UGT1A5: variants seen among roughly 807,000 people sequenced by gnomAD.
The protein encoded by UGT1A5 is UDP-glucuronosyltransferase 1A5.
UGT1A5 carries 29 observed loss-of-function variants against 40.3 expected under a neutral mutation model. The observed-to-expected ratio is 0.72, with a 90% CI of 0.54 to 0.98. UGT1A5 has a LOEUF of 0.98. Among genes scored for constraint, UGT1A5 ranks in the 50% least tolerant of loss-of-function variants. The pLI is 0.00. For missense variants in UGT1A5, 678 were observed against 677.9 expected (o/e 1.00, Z 0.00); for synonymous variants, 257 against 262.5 (o/e 0.98, Z 0.20).
chr2:233,728,929 G>A (rs533311965), intron 1 of UGT1A5, among the ~76,000 whole-genome samples: 12 of 142,966 alleles, frequency 8.4e-5, no homozygotes, highest in Admixed American at 6.7e-4. Context: ...AGTCATGATC[G>A]GTCTTTTCCA....
intron 1 of UGT1A5, among the ~76,000 whole-genome samples, chr2:233,757,815 T>G (rs4399719): frequency 0.55 from 83,125 of 151,008 alleles, 25,001 homozygotes; most frequent in African/African-American, 0.81. Context: ...AAGGAGCTGG[T>G]AGTGTGTCTG....
intron 1 of UGT1A5, chr2:233,743,777 T>C (rs1692497212): frequency 7.3e-7 from 1 of 1,367,292 alleles, no homozygotes; most frequent in Admixed American, 1.9e-5. Flanking sequence ...GGCCACCTGC[T>C]TGAATCTCCT....
In UGT1A5 at chr2:233,743,883, G is replaced by A. The variant is rs373345166; in HGVS notation, c.868-23151G>A. 1.0e-5 allele frequency: 14 copies of A among 1,366,944 alleles called. No individual in the cohort carries two copies. In the East Asian group the frequency reaches 1.4e-4, roughly 13 times the overall value. 84.7% of individuals were successfully genotyped at this position (1,366,944 alleles called of 1,614,324 possible). On this transcript the variant is annotated intron_variant, in intron 1 of 4. Transcript: ENST00000373414. ...TTGATGGCCTCGGATGAGGCCTGCC[G>A]GGGCACGTCCAGCACCTCGTAGTAG...
intron 1 of UGT1A5, among the ~76,000 whole-genome samples, chr2:233,736,870 C>T (rs1044494188): frequency 6.6e-6 from 1 of 152,190 alleles, no homozygotes; most frequent in African/African-American, 2.4e-5. Context: ...GCAAATATTG[C>T]AGAACAGCAA....
At chr2:233,762,433 T>C (rs1249713494) in intron 1 of UGT1A5, among the ~76,000 whole-genome samples, 1 of 152,232 alleles carries the variant, frequency 6.6e-6, no homozygotes, top group African/African-American at 2.4e-5. Context: ...AGAGTAACAG[T>C]GTATTCCCAC....
At chr2:233,741,968 A>G (rs1276374481) in intron 1 of UGT1A5, 1 of 151,884 alleles carries the variant, frequency 6.6e-6, no homozygotes, top group Non-Finnish European at 1.5e-5. Context: ...TGTTGTGTTT[A>G]TGGTGCCTCA....
rs1316951869 is a variant in UGT1A5 at position 233,743,957 on chromosome 2, A to G, written c.868-23077A>G. ...CGGCCCACCAGGCACTGGCACAGCG[A>G]GCGGCAAGGCTGCCAGCACCCAGGC... is the stretch of plus-strand genomic sequence containing the variant. On this transcript the variant is annotated intron_variant, in intron 1 of 4. Coordinates refer to ENST00000373414, the MANE Select transcript of UGT1A5 (RefSeq NM_019078.2). 4 of 1,338,466 alleles carry G rather than the reference A, an allele frequency of 3.0e-6. No individual in the cohort carries two copies. The Admixed American group carries it at 8.0e-5, about 27-fold the overall frequency. The allele number at this position is 1,338,466 out of a possible 1,614,324, so 82.9% of individuals were successfully genotyped here.
chr2:233,742,956 T>C, intron 1 of UGT1A5: 1 of 217,074 alleles, frequency 4.6e-6, no homozygotes, highest in Non-Finnish European at 9.3e-6. Context: ...CAAATAATCA[T>C]TGTCTGCCTC....
chr2:233,768,233 C>A lies in UGT1A5; in HGVS notation c.1101C>A (p.Thr367=), dbSNP rs1699591703. The change falls in exon 4 of 5, where the codon ACC becomes ACA. Residue 367 remains threonine, a synonymous_variant. Coordinates refer to ENST00000373414, the MANE Select transcript of UGT1A5 (RefSeq NM_019078.2). ...PQNDLLGHPM[T]RAFITHAGSH... ...TTTGCATCTCAGGTCACCCGATGAC[C>A]CGTGCCTTTATCACCCATGCTGGTT... 6.2e-7 allele frequency: 1 copy of A among 1,614,170 alleles called. No homozygotes were observed. The highest frequency in any genetic ancestry group is 8.5e-7 in the Non-Finnish European group (1 of 1,180,028).
intron 1 of UGT1A5, chr2:233,740,859 A>C (rs1179342634): frequency 6.6e-6 from 1 of 151,860 alleles, no homozygotes; most frequent in Non-Finnish European, 1.5e-5. Context: ...AATTCTAAAA[A>C]TTCTTTAAAT....
intron 1 of UGT1A5, chr2:233,719,072 G>T (rs148007151): frequency 6.2e-7 from 1 of 1,614,284 alleles, no homozygotes. Context: ...CTGTTCCATG[G>T]ACCCAGAAGG....
rs781623948 is a variant in UGT1A5, at chr2:233,772,355, G to A, written c.1401G>A (p.Met467Ile). ...CCGTGTTCTGGGTGGAGTTTGTGAT[G>A]AGGCACAAGGGCGCGCCACACCTGC... Reference protein sequence around the residue: ...DLAVFWVEFVMRHKGAPHLRP... With the variant: ...DLAVFWVEFVIRHKGAPHLRP... The change falls in exon 5 of 5, where the codon ATG (methionine) becomes ATA (isoleucine). Residue 467 changes from methionine to isoleucine, a missense_variant. Met to Ile is a conservative substitution (Grantham distance 10, BLOSUM62 1). Coordinates refer to ENST00000373414, the MANE Select transcript of UGT1A5 (RefSeq NM_019078.2). 1 of 1,614,130 alleles carries A rather than the reference G, an allele frequency of 6.2e-7. No homozygotes were observed. Among genetic ancestry groups the A allele is most frequent in the Non-Finnish European group, 8.5e-7 (1 of 1,180,056 alleles).
At chr2:233,765,043 G>A (rs987996173) in intron 1 of UGT1A5, among the ~76,000 whole-genome samples, 14 of 152,044 alleles carry the variant, frequency 9.2e-5, no homozygotes, top group Admixed American at 4.6e-4. Flanking sequence ...TGCAAATTGC[G>A]TTTGCTGAGC....
chr2:233,751,768 A>C lies in UGT1A5; in HGVS notation c.868-15266A>C, dbSNP rs142654727. Among the ~76,000 whole-genome samples, 1,484 of 152,208 alleles carry C rather than the reference A, an allele frequency of 9.7e-3. 20 individuals carry two copies. The highest frequency in any genetic ancestry group is 0.034 in the African/African-American group (1,414 of 41,516). On this transcript the variant is annotated intron_variant, in intron 1 of 4. Coordinates refer to ENST00000373414, the MANE Select transcript of UGT1A5 (RefSeq NM_019078.2). ...CTTGCTTGCTGCCATGTGAGACATGACTTTGCTTATCTCTCACCTTCTGTC... is the reference window on the plus strand; with the variant it reads ...CTTGCTTGCTGCCATGTGAGACATGCCTTTGCTTATCTCTCACCTTCTGTC...
chr2:233,732,561 G>A (rs1386480566), intron 1 of UGT1A5, among the ~76,000 whole-genome samples: 1 of 152,180 alleles, frequency 6.6e-6, no homozygotes, highest in African/African-American at 2.4e-5. Context: ...ATTAAATAAG[G>A]AATCCTTTCC....
In UGT1A5 at chr2:233,744,132, C is replaced by G. The variant is rs576185082; in HGVS notation, c.868-22902C>G. The G allele has an allele frequency of 6.1e-4, 215 of 354,750 alleles. 4 individuals are homozygous for G. The highest frequency in any genetic ancestry group is 4.3e-3 in the African/African-American group (200 of 46,340). 22.0% of individuals were successfully genotyped at this position (354,750 alleles called of 1,614,324 possible). A position where few individuals can be genotyped will look rare whatever the true frequency, so the allele number is the denominator to read the frequency against. On this transcript the variant is annotated intron_variant, in intron 1 of 4. Transcript: ENST00000373414. ...CTGCTCTCTGTGAGGCTCTGTGAGGCCCTGTGATGCTCCAAGACCAGGCCC... is the reference window on the plus strand; with the variant it reads ...CTGCTCTCTGTGAGGCTCTGTGAGGGCCTGTGATGCTCCAAGACCAGGCCC...
intron 1 of UGT1A5, among the ~76,000 whole-genome samples, chr2:233,714,723 TAA>T (rs2076408415): frequency 6.6e-6 from 1 of 152,238 alleles, no homozygotes; most frequent in South Asian, 2.1e-4. Flanking sequence ...TTTTTGTTGT[TAA>T]GTCTTCAAAA....
rs181904192 is a variant in UGT1A5, at chr2:233,720,907, C to T, written c.867+7049C>T. On this transcript the variant is annotated intron_variant, in intron 1 of 4. Coordinates refer to ENST00000373414, the MANE Select transcript of UGT1A5 (RefSeq NM_019078.2). ...TTTTTTTTTAGTAGAGATGAGGTTT[C>T]GCAATGTTAGCCAGGCTGGTCTTGA... 7.9e-3 allele frequency among the ~76,000 whole-genome samples: 1,118 copies of T among 140,910 alleles called. 9 individuals carry two copies. Among genetic ancestry groups the T allele is most frequent in the Admixed American group, 0.016 (217 of 13,846 alleles). 92.4% of individuals were successfully genotyped at this position (140,910 alleles called of 152,430 possible).
intron 1 of UGT1A5, chr2:233,729,672 TAAGGGCACACAGTGTCC>T (rs2077905850): frequency 6.2e-7 from 1 of 1,613,858 alleles, no homozygotes; most frequent in South Asian, 1.1e-5. Context: ...ATTTAGACTT[TAAGGGCACACAGTGTCC>T]AAACCCTTCC....
Sources: allele counts gnomAD v4.1 joint callset (sites outside exome capture counted in the v4.1 genomes callset), GRCh38; gene constraint gnomAD v4.1.1; transcripts MANE v1.5; gene names NCBI Gene and HGNC (gene_info 2026-07-23, HGNC 2026-07-21).